The following NARS1 variants were observed in gnomAD, a reference collection of about 807,000 sequenced individuals.
NARS1 encodes asparaginyl-tRNA synthetase 1, also known as asparagine--tRNA ligase, cytoplasmic.
A neutral mutation model predicts 79.2 loss-of-function variants in NARS1; 65 were observed. That is an observed-to-expected ratio of 0.82 (90% CI 0.67 to 1.01). The LOEUF (loss-of-function observed/expected upper bound fraction) is 1.01, where lower values mean the gene tolerates loss of function less well. NARS1 is among the 50% of genes least tolerant of loss of function. The pLI, the probability that NARS1 is intolerant of heterozygous loss-of-function variation, is 0.00. For missense variants in NARS1, 649 were observed against 673.8 expected (o/e 0.96, Z 0.41); for synonymous variants, 229 against 238.8 (o/e 0.96, Z 0.38).
chr18:57,609,378 A>G lies in NARS1; in HGVS notation c.558T>C (p.Asn186=). The change falls in exon 7 of 14, where the codon AAT becomes AAC. Residue 186 remains asparagine (N), a synonymous_variant. Coordinates refer to ENST00000256854, the MANE Select transcript of NARS1 (RefSeq NM_004539.4). Reference sequence around the variant, plus strand: ...TCACCTGCTTGCCCTTTGGGGTAAGATTTAGCATTCCATACACTGCAACAC... The same window carrying G: ...TCACCTGCTTGCCCTTTGGGGTAAGGTTTAGCATTCCATACACTGCAACAC... The part of the protein sequence containing the change: ...ESSVAVYGML[N]LTPKGKQAPG... The G allele has an allele frequency of 6.2e-7, 1 of 1,614,046 alleles. No individual in the cohort carries two copies. Among genetic ancestry groups the G allele is most frequent in the Non-Finnish European group, 8.5e-7 (1 of 1,179,968 alleles).
chr18:57,607,674 T>G lies in NARS1; in HGVS notation c.580-9A>C, dbSNP rs771755736. 3.1e-6 allele frequency: 5 copies of G among 1,599,610 alleles called. No individual in the cohort carries two copies. The African/African-American group carries it at 6.7e-5, about 22-fold the overall frequency. ...TCATGGCCACCTGGAGCCTGCATTT[T>G]TTAAAAGTGGGGTCCAGAGAAAGAG... On this transcript the variant is annotated splice_polypyrimidine_tract_variant and intron_variant, in intron 7 of 13. Transcript: ENST00000256854.
In NARS1 at chr18:57,620,626, C is replaced by T. The variant is rs747814344; in HGVS notation, c.36G>A (p.Glu12=). The change falls in exon 2 of 14, where the codon GAG becomes GAA. Residue 12 remains glutamate, a synonymous_variant. Coordinates refer to ENST00000256854, the MANE Select transcript of NARS1 (RefSeq NM_004539.4). ...VLAELYVSDR[E]GSDATGDGTK... ...TTCCATCTCCCGTGGCATCGCTTCC[C>T]TCTCGGTCAGAGACGTACAGCTCTG... 6.2e-7 allele frequency: 1 copy of T among 1,613,726 alleles called. No individual in the cohort carries two copies. The highest frequency in any genetic ancestry group is 1.7e-5 in the Admixed American group (1 of 59,918).
At chr18:57,614,485 G>A (rs2051631227) in intron 4 of NARS1, among the ~76,000 whole-genome samples, 1 of 151,872 alleles carries the variant, frequency 6.6e-6, no homozygotes, top group African/African-American at 2.4e-5. Context: ...TGGGTGACAA[G>A]AGTGAAACTC....
rs1422800859 is a variant in NARS1, at chr18:57,613,615, C to T, written c.408G>A (p.Arg136=). The change falls in exon 5 of 14, where the codon AGG becomes AGA. Residue 136 remains arginine (R), a synonymous_variant. Coordinates refer to ENST00000256854, the MANE Select transcript of NARS1 (RefSeq NM_004539.4). ...QRVKVFGWVH[R]LRRQGKNLMF... ...TTTGCCATTTACCTTGCCTGCGCAG[C>T]CTGTGGACCCAGCCAAACACCTTTA... The T allele has an allele frequency of 1.9e-6, 3 of 1,613,924 alleles. No individual in the cohort carries two copies. The East Asian group carries it at 6.7e-5, about 36-fold the overall frequency.
At chr18:57,621,465 G>A (rs1296832541) in intron 1 of NARS1, among the ~76,000 whole-genome samples, 1 of 152,176 alleles carries the variant, frequency 6.6e-6, no homozygotes, top group Non-Finnish European at 1.5e-5. Flanking sequence ...GGCAGGGGAA[G>A]GGCCCGGAGC....
intron 5 of NARS1, among the ~76,000 whole-genome samples, chr18:57,612,087 A>C (rs317817): frequency 0.26 from 39,466 of 152,148 alleles, 5,898 homozygotes; most frequent in East Asian, 0.54. Flanking sequence ...GGAAACTCCA[A>C]GGTTAAACAT....
intron 2 of NARS1, among the ~76,000 whole-genome samples, chr18:57,617,914 CAA>C (rs34518818): frequency 1.1e-4 from 11 of 97,010 alleles, no homozygotes; most frequent in Admixed American, 1.1e-4. Context: ...GACTCCTTTT[CAA>C]AAAAAAAAAA....
chr18:57,608,255 C>A (rs2051577252), intron 7 of NARS1, among the ~76,000 whole-genome samples: 1 of 151,770 alleles, frequency 6.6e-6, no homozygotes, highest in South Asian at 2.1e-4. Flanking sequence ...TCAAGACCAT[C>A]CTGGCCAACA....
intron 4 of NARS1, among the ~76,000 whole-genome samples, chr18:57,614,427 G>C (rs943546508): frequency 2.0e-5 from 3 of 152,064 alleles, no homozygotes; most frequent in African/African-American, 7.2e-5. Context: ...CTTGAACCCG[G>C]GAGGCGGAGG....
chr18:57,605,133 A>AT (rs2051542296), intron 11 of NARS1, among the ~76,000 whole-genome samples: 4 of 95,826 alleles, frequency 4.2e-5, no homozygotes, highest in East Asian at 4.7e-4. Flanking sequence ...AAAAAAAAAA[A>AT]AATATATATA....
chr18:57,612,035 G>GTGTGAGC (rs2051608563), intron 5 of NARS1, among the ~76,000 whole-genome samples: 1 of 152,142 alleles, frequency 6.6e-6, no homozygotes, highest in Non-Finnish European at 1.5e-5. Flanking sequence ...GATATTACAG[G>GTGTGAGC]TGTGAGCCAC....
In NARS1 at chr18:57,621,780, T is replaced by A; in HGVS notation, c.-63A>T. On this transcript the variant is annotated 5_prime_UTR_variant, in exon 1 of 14. Coordinates refer to ENST00000256854, the MANE Select transcript of NARS1 (RefSeq NM_004539.4). The stretch of plus-strand genomic sequence containing the variant: ...TGCAACACCGACGCCGTCTTATGAC[T>A]CCAACGTGCACCGGCGGTTTCCGCG... The A allele has an allele frequency of 6.2e-7, 1 of 1,612,390 alleles. No individual in the cohort carries two copies. Among genetic ancestry groups the A allele is most frequent in the East Asian group, 2.2e-5 (1 of 44,706 alleles).
rs769070609 is a variant in NARS1, at chr18:57,602,931, C to T, written c.1264G>A (p.Ala422Thr). 22 of 1,613,954 alleles carry T rather than the reference C, an allele frequency of 1.4e-5. No homozygotes were observed. The highest frequency in any genetic ancestry group is 1.6e-5 in the Non-Finnish European group (19 of 1,179,916). The part of the protein sequence containing the change: ...FYEFGEDIPE[A>T]PERLMTDTIN... Reference sequence around the variant, plus strand: ...GTGTCTGTCATCAGTCTCTCAGGAGCTTCTGGGATATCCTGAGGTCAAACA... The same window carrying T: ...GTGTCTGTCATCAGTCTCTCAGGAGTTTCTGGGATATCCTGAGGTCAAACA... Residue 422 changes from alanine to threonine, a missense_variant, in exon 12 of 14, where the codon GCT becomes ACT. By Grantham distance (58) the Ala-to-Thr change is moderately conservative (BLOSUM62 0). Transcript: ENST00000256854.
chr18:57,603,484 A>C (rs1167316892), intron 11 of NARS1, among the ~76,000 whole-genome samples: 1 of 151,994 alleles, frequency 6.6e-6, no homozygotes, highest in Non-Finnish European at 1.5e-5. Context: ...CAATCATAAG[A>C]CAAATAACCA....
At chr18:57,616,193 G>A (rs898549806) in intron 2 of NARS1, among the ~76,000 whole-genome samples, 8 of 152,126 alleles carry the variant, frequency 5.3e-5, no homozygotes, top group African/African-American at 9.7e-5. Flanking sequence ...TTGGAAGGCC[G>A]AGGTGGGTGA....
chr18:57,606,904 C>T (rs1314235424), intron 9 of NARS1, 153 bp from the exon 10 acceptor site: 1 of 993,354 alleles, frequency 1.0e-6, no homozygotes, highest in Non-Finnish European at 1.5e-6. Flanking sequence ...CTCTTCTCCA[C>T]TGAGTAGCAA....
intron 2 of NARS1, among the ~76,000 whole-genome samples, chr18:57,617,462 C>T (rs1028435233): frequency 1.3e-5 from 2 of 150,862 alleles, no homozygotes; most frequent in Non-Finnish European, 2.9e-5. Context: ...GTCCCAGCTA[C>T]TCAGGAGGCT....
intron 4 of NARS1, among the ~76,000 whole-genome samples, chr18:57,615,071 C>G (rs1185865364): frequency 6.6e-6 from 1 of 151,976 alleles, no homozygotes; most frequent in Admixed American, 6.6e-5. Flanking sequence ...GTCCCCCCTA[C>G]TTGGGAGGAT....
chr18:57,620,228 G>GCC, intron 2 of NARS1, among the ~76,000 whole-genome samples: 1 of 152,210 alleles, frequency 6.6e-6, no homozygotes, highest in East Asian at 1.9e-4. Flanking sequence ...CCTCTCAGGA[G>GCC]CCCCCTGGTC....
Sources: gnomAD v4.1 joint callset for allele counts (sites outside exome capture counted in the v4.1 genomes callset) on GRCh38, gnomAD v4.1.1 for gene constraint, MANE v1.5 for transcripts, NCBI Gene and HGNC (gene_info 2026-07-23, HGNC 2026-07-21) for gene names.